Variants in GAREM1 observed in about 807,000 individuals in gnomAD.
GAREM1 encodes GRB2-associated and regulator of MAPK protein 1.
GAREM1 carries 26 observed loss-of-function variants against 71.3 expected under a neutral mutation model. The ratio of observed to expected loss-of-function variants is 0.36; its 90% CI spans 0.27 to 0.51. GAREM1 has a LOEUF of 0.51. Ranked by LOEUF, GAREM1 falls within the 20% of genes least tolerant of loss-of-function variation. The pLI is 0.95. For missense variants in GAREM1, 1,026 were observed against 1,103.1 expected (o/e 0.93, Z 0.99); for synonymous variants, 440 against 433.2 (o/e 1.02, Z -0.20).
chr18:32,371,399 C>T, intron 2 of GAREM1, among the ~76,000 whole-genome samples: 1 of 152,122 alleles, frequency 6.6e-6, no homozygotes. Context: ...AAACTGGAGG[C>T]AGTTAAAAGG....
chr18:32,398,415 A>G (rs11504784), intron 1 of GAREM1, among the ~76,000 whole-genome samples: 13,287 of 152,186 alleles, frequency 0.087, 654 homozygotes, highest in African/African-American at 0.13. Context: ...TTGATCGACC[A>G]CTAGCAAGAC....
At chr18:32,433,218 A>C (rs1301155443) in intron 1 of GAREM1, among the ~76,000 whole-genome samples, 1 of 151,802 alleles carries the variant, frequency 6.6e-6, no homozygotes, top group African/African-American at 2.4e-5. Context: ...CACACAACTC[A>C]ACATACCTTT....
Position 32,378,107 on chromosome 18 carries a change from A to C in GAREM1, c.262+14788T>G, listed in dbSNP as rs141382254. ...CAGGGTTGAGGTGAAGTGAAGTGAT[A>C]AATGCCAGGAATTCTGTAGTTCAGT... On this transcript the variant is annotated intron_variant, in intron 2 of 5. Transcript: ENST00000269209. Among the ~76,000 whole-genome samples the C allele has an allele frequency of 1.8e-3, 273 of 151,608 alleles. 1 individual carries two copies. The highest frequency in any genetic ancestry group is 6.5e-3 in the African/African-American group (267 of 41,142).
intron 2 of GAREM1, among the ~76,000 whole-genome samples, chr18:32,353,635 G>A (rs2047775433): frequency 6.6e-6 from 1 of 152,070 alleles, no homozygotes; most frequent in Admixed American, 6.5e-5. Flanking sequence ...AACAGATGAA[G>A]AATAAGGAGA....
Position 32,287,206 on chromosome 18 carries a change from C to T in GAREM1, c.1391G>A (p.Ser464Asn), listed in dbSNP as rs757942027. The T allele has an allele frequency of 9.3e-6, 15 of 1,614,150 alleles. No homozygotes were observed. Among genetic ancestry groups the T allele is most frequent in the Non-Finnish European group, 1.3e-5 (15 of 1,180,054 alleles). Residue 464 changes from serine (S) to asparagine (N), a missense_variant, in exon 4 of 6, where the codon AGC becomes AAC. Transcript: ENST00000269209. This position sits in a 1 kb window ranked among gnomAD's most constrained non-coding sequence, Gnocchi z 5.9. ...EELWLEEGKP[S>N]HQPLTRSLSE... is the part of the protein sequence containing the mutation. ...CAGAGAGCGAGTGAGAGGCTGATGG[C>T]TGGGCTTGCCTTCCTCCAGCCACAG...
At position 32,295,530 on chromosome 18, in the gene GAREM1, G is replaced by A. The variant is rs76889414; in HGVS notation, c.394-7327C>T. The stretch of plus-strand genomic sequence containing the variant: ...ATGTCTGGGTAAAGTAACTGACTAC[G>A]TTCATACCATATACTGAGTGGTGAT... On this transcript the variant is annotated intron_variant, in intron 3 of 5. Coordinates refer to ENST00000269209, the MANE Select transcript of GAREM1 (RefSeq NM_001242409.2). Among the ~76,000 whole-genome samples the A allele has an allele frequency of 5.6e-3, 855 of 152,216 alleles. 4 individuals carry two copies. The highest frequency in any genetic ancestry group is 0.012 in the Admixed American group (187 of 15,296).
intron 2 of GAREM1, among the ~76,000 whole-genome samples, chr18:32,352,004 AATG>A (rs1159193950): frequency 6.6e-6 from 1 of 152,208 alleles, no homozygotes; most frequent in Non-Finnish European, 1.5e-5. Context: ...TAAAAATTAA[AATG>A]ATTACAAAGT....
intron 3 of GAREM1, among the ~76,000 whole-genome samples, chr18:32,305,018 G>C (rs1056781187): frequency 6.6e-6 from 1 of 151,856 alleles, no homozygotes; most frequent in Non-Finnish European, 1.5e-5. Flanking sequence ...AAAACTAAGA[G>C]AGATAATTAA....
intron 2 of GAREM1, among the ~76,000 whole-genome samples, chr18:32,316,079 T>G (rs1161702243): frequency 2.0e-5 from 3 of 152,198 alleles, no homozygotes; most frequent in African/African-American, 7.2e-5. Context: ...TTAAGCTGCA[T>G]AGTCATCTGT....
In GAREM1 at chr18:32,287,612, T is replaced by C; in HGVS notation, c.985A>G (p.Ile329Val). Residue 329 changes from isoleucine to valine, a missense_variant, in exon 4 of 6, where the codon ATC becomes GTC. Coordinates refer to ENST00000269209, the MANE Select transcript of GAREM1 (RefSeq NM_001242409.2). The surrounding 1 kb of genome is among the most constrained non-coding windows in gnomAD (Gnocchi z 5.9). ...TCGATGTCGAACTGTTCTTGGCAGA[T>C]ACCTAGCCAGTGATGGACCAGGGTT... ...PETLVHHWLG[I>V]CQEQFDIDEY... 2 of 1,614,220 alleles carry C rather than the reference T, an allele frequency of 1.2e-6. No individual in the cohort carries two copies. The highest frequency in any genetic ancestry group is 1.7e-6 in the Non-Finnish European group (2 of 1,180,034).
chr18:32,458,418 ACATAT>A (rs2048918308), intron 1 of GAREM1, among the ~76,000 whole-genome samples: 2 of 152,106 alleles, frequency 1.3e-5, no homozygotes, highest in African/African-American at 4.8e-5. Flanking sequence ...ACAACAGTGA[ACATAT>A]CATATCTAAA....
chr18:32,272,639 T>C (rs642355), intron 4 of GAREM1, among the ~76,000 whole-genome samples: 1 of 151,568 alleles, frequency 6.6e-6, no homozygotes. Context: ...TTTTTTTTTT[T>C]GGAGACGGAG....
At chr18:32,454,565 C>T (rs1264333987) in intron 1 of GAREM1, among the ~76,000 whole-genome samples, 1 of 152,188 alleles carries the variant, frequency 6.6e-6, no homozygotes, top group Non-Finnish European at 1.5e-5. Flanking sequence ...TATTTTTCAA[C>T]CTCTTTCCAT....
chr18:32,434,586 A>G (rs1202955237), intron 1 of GAREM1, among the ~76,000 whole-genome samples: 1 of 152,168 alleles, frequency 6.6e-6, no homozygotes, highest in Non-Finnish European at 1.5e-5. Flanking sequence ...AAATAGGAAT[A>G]ATACTAGATT....
intron 1 of GAREM1, among the ~76,000 whole-genome samples, chr18:32,448,496 G>GTA (rs2048804275): frequency 6.6e-6 from 1 of 152,044 alleles, no homozygotes; most frequent in Admixed American, 6.6e-5. Flanking sequence ...CTCCATAATC[G>GTA]TAAAATGCAC....
intron 2 of GAREM1, among the ~76,000 whole-genome samples, chr18:32,314,591 T>TTG (rs1291114443): frequency 7.1e-6 from 1 of 140,658 alleles, no homozygotes; most frequent in Non-Finnish European, 1.5e-5. Flanking sequence ...CTTTTTGTTG[T>TTG]TGTTTTTTTT....
rs1339027501 is a variant in GAREM1 at position 32,429,815 on chromosome 18, GGAATGACATTC to G, written c.122-36791_122-36781del. On this transcript the variant is annotated intron_variant, in intron 1 of 5. Transcript: ENST00000269209. The stretch of plus-strand genomic sequence containing the variant: ...TCTCACACCTTCCTGGTGCAGAGGA[GGAATGACATTC>G]TTTAATCTTAATTGCTGTTAGCCTA... Among the ~76,000 whole-genome samples, 3 of 152,146 alleles carry G rather than the reference GGAATGACATTC, an allele frequency of 2.0e-5. No homozygotes were observed. In the East Asian group the frequency reaches 5.8e-4, roughly 29 times the overall value.
intron 1 of GAREM1, among the ~76,000 whole-genome samples, chr18:32,429,766 T>C (rs2048606149): frequency 6.6e-6 from 1 of 152,250 alleles, no homozygotes; most frequent in African/African-American, 2.4e-5. Flanking sequence ...AGGTGAACTT[T>C]AATTCTAAAT....
At chr18:32,461,437 T>C (rs2048953074) in intron 1 of GAREM1, among the ~76,000 whole-genome samples, 1 of 152,172 alleles carries the variant, frequency 6.6e-6, no homozygotes, top group Non-Finnish European at 1.5e-5. Flanking sequence ...GGCTCATACC[T>C]GTAATTCCAG....
Sources: allele counts gnomAD v4.1 joint callset (sites outside exome capture counted in the v4.1 genomes callset), GRCh38; gene constraint gnomAD v4.1.1; non-coding constraint Gnocchi (gnomAD v3.1); transcripts MANE v1.5; gene names NCBI Gene and HGNC (gene_info 2026-07-23, HGNC 2026-07-21).